Variants in C10orf105 observed in about 807,000 individuals in gnomAD.
The protein encoded by C10orf105 is chromosome 10 open reading frame 105.
C10orf105 carries 2 observed loss-of-function variants against 0.6 expected under a neutral mutation model. The observed-to-expected ratio is 3.18, with a 90% CI of 1.30 to 10.01. The LOEUF (loss-of-function observed/expected upper bound fraction) is 10.01. C10orf105 is among the 30% of genes most tolerant of loss of function. The pLI is 0.04. For missense variants in C10orf105, 209 were observed against 191.4 expected (o/e 1.09, Z -0.54); for synonymous variants, 95 against 82.4 (o/e 1.15, Z -0.83).
chr10:71,721,716 C>T (rs978273380), upstream of C10orf105, among the ~76,000 whole-genome samples: 6 of 152,224 alleles, frequency 3.9e-5, no homozygotes, highest in African/African-American at 1.4e-4. Context: ...CTGCTACAGG[C>T]TCCTCGCTCT....
chr10:71,713,365 G>C lies in C10orf105; in HGVS notation c.*2571C>G. 1.3e-6 allele frequency: 1 copy of C among 748,016 alleles called. No homozygotes were observed. Among genetic ancestry groups the C allele is most frequent in the Non-Finnish European group, 2.5e-6 (1 of 403,296 alleles). The allele number at this position is 748,016 out of a possible 1,614,324, so 46.3% of individuals were successfully genotyped here. ...ACACCTCTGCCCAGAGGCCTCAGTT[G>C]CTGGGTGGGGAGGGAGGCCCGGAGT... On this transcript the variant is annotated 3_prime_UTR_variant, in exon 2 of 2. Coordinates refer to ENST00000441508, the MANE Select transcript of C10orf105 (RefSeq NM_001164375.3).
rs201610096 is a variant in C10orf105, at chr10:71,732,166, G to A, written c.-6+5562C>T. The A allele has an allele frequency of 4.7e-4, 758 of 1,613,972 alleles. No homozygotes were observed. Among genetic ancestry groups the A allele is most frequent in the Non-Finnish European group, 5.7e-4 (668 of 1,179,868 alleles). On this transcript the variant is annotated intron_variant, in intron 1 of 1. Transcript: ENST00000398786. ...GCCCTTCAACCAGGGCTTCTGCAGC[G>A]TCTACATCACTCTGCTCAACGAGCT...
chr10:71,716,096 C>A lies in C10orf105; in HGVS notation c.242G>T (p.Ser81Ile). The A allele has an allele frequency of 1.3e-6, 2 of 1,534,704 alleles. No homozygotes were observed. The highest frequency in any genetic ancestry group is 2.0e-5 in the Admixed American group (1 of 49,162). Reference protein sequence around the residue: ...AHECMPHHPGSPSEPQLRLWK... With the variant: ...AHECMPHHPGIPSEPQLRLWK... Reference sequence around the variant, plus strand: ...GAGCCGGAGCTGGGGCTCACTGGGGCTCCCAGGGTGGTGGGGCATGCACTC... The same window carrying A: ...GAGCCGGAGCTGGGGCTCACTGGGGATCCCAGGGTGGTGGGGCATGCACTC... Residue 81 changes from serine to isoleucine, a missense_variant, in exon 2 of 2, where the codon AGC becomes ATC. Ser to Ile is a moderately radical substitution (Grantham distance 142). Transcript: ENST00000441508.
intron 1 of C10orf105, chr10:71,731,954 C>A (rs747355673): frequency 6.2e-7 from 1 of 1,601,138 alleles, no homozygotes; most frequent in Non-Finnish European, 8.5e-7. Context: ...TCAGTTCTAT[C>A]TGGGACTGCA....
chr10:71,730,450 C>T lies in C10orf105; in HGVS notation c.-6+7278G>A, dbSNP rs778720282. 3.1e-6 allele frequency: 5 copies of T among 1,612,610 alleles called. No individual in the cohort carries two copies. Among genetic ancestry groups the T allele is most frequent in the Non-Finnish European group, 4.2e-6 (5 of 1,179,542 alleles). ...CTCCACCCCACCCTGACCTTGCACC[C>T]CTGGCCCGGCTCCCACAGGTGATTG... On this transcript the variant is annotated intron_variant, in intron 1 of 1. Transcript: ENST00000398786.
chr10:71,728,268 C>T (rs538571020), intron 1 of C10orf105, among the ~76,000 whole-genome samples: 1 of 150,280 alleles, frequency 6.7e-6, no homozygotes, highest in South Asian at 2.2e-4. Context: ...AGCCTGTGAA[C>T]AGCTGTGCTC....
intron 1 of C10orf105, among the ~76,000 whole-genome samples, chr10:71,727,628 T>C (rs1866874923): frequency 6.6e-6 from 1 of 152,082 alleles, no homozygotes; most frequent in Non-Finnish European, 1.5e-5. Context: ...ACAGTCCCCT[T>C]AGAGACTGGG....
chr10:71,719,840 G>A (rs1180943454), upstream of C10orf105: 1 of 152,604 alleles, frequency 6.6e-6, no homozygotes, highest in Non-Finnish European at 1.5e-5. Context: ...GCCCTGCCTT[G>A]GGGGAGGGGA....
In C10orf105 at chr10:71,714,418, G is replaced by A. The variant is rs1350976740; in HGVS notation, c.*1518C>T. 6.6e-6 allele frequency: 1 copy of A among 152,214 alleles called. No homozygotes were observed. Among genetic ancestry groups the A allele is most frequent in the African/African-American group, 2.4e-5 (1 of 41,410 alleles). The allele number at this position is 152,214 out of a possible 1,614,324, so 9.4% of individuals were successfully genotyped here. On this transcript the variant is annotated 3_prime_UTR_variant, in exon 2 of 2. Coordinates refer to ENST00000441508, the MANE Select transcript of C10orf105 (RefSeq NM_001164375.3). ...CTGGCTCTCTGCAAGCTCCCAAGCT[G>A]GTAGGAAAGAGAAGACATAGACAAA... is the stretch of plus-strand genomic sequence containing the variant.
At position 71,712,781 on chromosome 10, in the gene C10orf105, G is replaced by C. The variant is rs397517322; in HGVS notation, c.*3155C>G. ...GAGCAGCTATGAGGCCAGCGTCCCT[G>C]AGGACATCCCTGAAGGCCACAGCAT... On this transcript the variant is annotated 3_prime_UTR_variant, in exon 2 of 2. Transcript: ENST00000441508. The C allele has an allele frequency of 6.8e-6, 11 of 1,612,996 alleles. No homozygotes were observed. The South Asian group carries it at 1.2e-4, about 18-fold the overall frequency.
intron 1 of C10orf105, chr10:71,737,720 C>T (rs1404149092): frequency 2.1e-6 from 1 of 470,930 alleles, no homozygotes; most frequent in Non-Finnish European, 4.4e-6. Context: ...CAGTGAACCC[C>T]TGGGTACCTG....
chr10:71,729,462 G>A (rs982601235), intron 1 of C10orf105, among the ~76,000 whole-genome samples: 1 of 152,208 alleles, frequency 6.6e-6, no homozygotes. Context: ...GGCCAGGGAA[G>A]CTGGAGTCTT....
rs750566818 is a variant in C10orf105, at chr10:71,732,020, C to T, written c.-6+5708G>A. 6 of 1,613,778 alleles carry T rather than the reference C, an allele frequency of 3.7e-6. No homozygotes were observed. The highest frequency in any genetic ancestry group is 2.2e-5 in the East Asian group (1 of 44,878). The stretch of plus-strand genomic sequence containing the variant: ...GGCCTGGTGAACTACCGCATCCTGT[C>T]GGGCGCAGAGGGGAAGTTTGAGATT... On this transcript the variant is annotated intron_variant, in intron 1 of 1. Coordinates refer to the C10orf105 transcript ENST00000398786.
At position 71,732,192 on chromosome 10, in the gene C10orf105, G is replaced by A. The variant is rs376660937; in HGVS notation, c.-6+5536C>T. On this transcript the variant is annotated intron_variant, in intron 1 of 1. Transcript: ENST00000398786. ...TCTACATCACTCTGCTCAACGAGCT[G>A]GACGAGGCCGTGCAGTTCTCCAATG... The A allele has an allele frequency of 1.1e-5, 17 of 1,613,894 alleles. No individual in the cohort carries two copies. The highest frequency in any genetic ancestry group is 6.7e-5 in the African/African-American group (5 of 75,050).
rs967324506 is a variant in C10orf105 at position 71,713,516 on chromosome 10, G to A, written c.*2420C>T. 13 of 539,098 alleles carry A rather than the reference G, an allele frequency of 2.4e-5. 1 individual carries two copies. The highest frequency in any genetic ancestry group is 2.1e-4 in the African/African-American group (11 of 52,456). The allele number at this position is 539,098 out of a possible 1,614,324, so 33.4% of individuals were successfully genotyped here. A position where few individuals can be genotyped will look rare whatever the true frequency, so the allele number is the denominator to read the frequency against. On this transcript the variant is annotated 3_prime_UTR_variant, in exon 2 of 2. Transcript: ENST00000441508. The stretch of plus-strand genomic sequence containing the variant: ...GACAGAAGCGTGGGAGGCTGGCAAT[G>A]CTCCCCTCCCTGCATCGGGACCAGG...
upstream of C10orf105, among the ~76,000 whole-genome samples, chr10:71,723,584 A>G (rs1000319008): frequency 1.3e-5 from 2 of 152,184 alleles, no homozygotes; most frequent in Admixed American, 6.5e-5. Context: ...TACAGTGTAC[A>G]GTGCCGGCTG....
chr10:71,727,023 C>T (rs1054172030), intron 1 of C10orf105, among the ~76,000 whole-genome samples: 45 of 152,364 alleles, frequency 3.0e-4, no homozygotes, highest in African/African-American at 1.1e-3. Context: ...GCCACACCTG[C>T]TCAGCTACTT....
chr10:71,732,851 C>A, intron 1 of C10orf105: 1 of 304,022 alleles, frequency 3.3e-6, no homozygotes, highest in Non-Finnish European at 5.1e-6. Flanking sequence ...CTCTTGACAC[C>A]AGCTGGGAAT....
rs761976651 is a variant in C10orf105 at position 71,725,523 on chromosome 10, G to A, written c.-5-9181C>T. Reference sequence around the variant, plus strand: ...GCCCCATGCGGAGCTCCGTCAGGGTGAGGCTAGGGGCGGGCTGGGGTGCTG... The same window carrying A: ...GCCCCATGCGGAGCTCCGTCAGGGTAAGGCTAGGGGCGGGCTGGGGTGCTG... On this transcript the variant is annotated intron_variant, in intron 1 of 1. Coordinates refer to the C10orf105 transcript ENST00000398786. 2.5e-6 allele frequency: 4 copies of A among 1,611,774 alleles called. No homozygotes were observed. The African/African-American group carries it at 5.3e-5, about 22-fold the overall frequency.
Sources: gnomAD v4.1 joint callset for allele counts (sites outside exome capture counted in the v4.1 genomes callset) on GRCh38, gnomAD v4.1.1 for gene constraint, MANE v1.5 for transcripts, NCBI Gene and HGNC (gene_info 2026-07-23, HGNC 2026-07-21) for gene names.